Variants in USH2A observed in about 807,000 individuals in gnomAD.
The protein encoded by USH2A is Usher syndrome 2A (autosomal recessive, mild).
USH2A carries 443 observed loss-of-function variants against 538.9 expected under a neutral mutation model. The ratio of observed to expected loss-of-function variants is 0.82; its 90% CI spans 0.76 to 0.89. The LOEUF (loss-of-function observed/expected upper bound fraction) is 0.89, where lower values mean the gene tolerates loss of function less well. Among genes scored for constraint, USH2A ranks in the 40% least tolerant of loss-of-function variants. The pLI is 0.00. For synonymous variants in USH2A, 2,413 were observed against 2,273.5 expected, an observed-to-expected ratio of 1.06 and a Z score of -1.75; for missense variants, 6,633 against 6,324.8, an observed-to-expected ratio of 1.05 and a Z score of -1.65.
intron 11 of USH2A, among the ~76,000 whole-genome samples, chr1:216,268,152 G>C (rs2102576781): frequency 6.6e-6 from 1 of 152,136 alleles, no homozygotes; most frequent in African/African-American, 2.4e-5. Context: ...CTGCAGTCCT[G>C]CCTGCTTATG....
intron 35 of USH2A, among the ~76,000 whole-genome samples, chr1:215,981,976 T>A (rs549703679): frequency 2.3e-4 from 35 of 152,344 alleles, no homozygotes; most frequent in African/African-American, 7.7e-4. Context: ...TTTTGAAGTA[T>A]CAATTTTGTG....
chr1:216,423,099 G>A (rs1193281030), intron 1 of USH2A, 115 bp downstream of exon 1: 1 of 152,104 alleles, frequency 6.6e-6, no homozygotes, highest in Non-Finnish European at 1.5e-5. Flanking sequence ...TCTGTCCTAT[G>A]CTTTAATATT....
intron 38 of USH2A, among the ~76,000 whole-genome samples, chr1:215,902,959 C>G (rs543376618): frequency 5.3e-5 from 8 of 152,070 alleles, no homozygotes; most frequent in African/African-American, 1.2e-4. Context: ...GTGAAATAAA[C>G]TAGGAAGTGA....
intron 32 of USH2A, among the ~76,000 whole-genome samples, chr1:216,017,557 T>C (rs976365073): frequency 6.6e-6 from 1 of 152,198 alleles, no homozygotes; most frequent in African/African-American, 2.4e-5. Context: ...AAAATATTCA[T>C]GTGACATACA....
intron 70 of USH2A, chr1:215,630,289 G>A: frequency 2.2e-6 from 1 of 456,408 alleles, no homozygotes; most frequent in South Asian, 1.5e-5. Context: ...ATCAGTCCAT[G>A]TTTGGAACAG....
intron 56 of USH2A, among the ~76,000 whole-genome samples, chr1:215,764,073 C>A (rs1410916119): frequency 1.3e-5 from 2 of 151,936 alleles, no homozygotes; most frequent in African/African-American, 4.8e-5. Flanking sequence ...TTGAAAAACA[C>A]CTAAATATAA....
intron 13 of USH2A, among the ~76,000 whole-genome samples, chr1:216,242,075 T>G (rs2035948944): frequency 6.6e-6 from 1 of 152,036 alleles, no homozygotes; most frequent in South Asian, 2.1e-4. Context: ...TTATTCAACT[T>G]GCATAACTAC....
chr1:215,686,032 T>A (rs1658414155), intron 61 of USH2A, among the ~76,000 whole-genome samples: 1 of 152,148 alleles, frequency 6.6e-6, no homozygotes, highest in Non-Finnish European at 1.5e-5. Context: ...CTAGGCAGCA[T>A]CACCAAGTGG....
In USH2A at chr1:216,053,251, TAAAAAGAATACTGGGAA is replaced by T. The variant is rs372621433; in HGVS notation, c.6050-4621_6050-4605del. Among the ~76,000 whole-genome samples, 702 of 152,220 alleles carry T rather than the reference TAAAAAGAATACTGGGAA, an allele frequency of 4.6e-3. 4 individuals are homozygous for T. The highest frequency in any genetic ancestry group is 0.016 in the African/African-American group (664 of 41,546). On this transcript the variant is annotated intron_variant, in intron 30 of 71. Transcript: ENST00000307340. ...TTAAATATATATTTTGGTATTATATTAAAAAGAATACTGGGAAATAGAGAATTGACATATCTAAAGGA... is the reference window on the plus strand; with the variant it reads ...TTAAATATATATTTTGGTATTATATTATAGAGAATTGACATATCTAAAGGA...
intron 3 of USH2A, among the ~76,000 whole-genome samples, chr1:216,377,807 AAAAGAAAGAAAGAAAGAAAGAAAG>A (rs200931887): frequency 0.032 from 1,576 of 49,428 alleles, 26 homozygotes; most frequent in African/African-American, 0.044. Flanking sequence ...GAAAGAAATA[AAAAGAAAGAAAGAAAGAAAGAAAG>A]AAAGAAAGAA....
Position 215,811,418 on chromosome 1 carries a change from G to A in USH2A, c.9739+2318C>T, listed in dbSNP as rs1487908977. On this transcript the variant is annotated intron_variant, in intron 49 of 71. Transcript: ENST00000307340. Reference sequence around the variant, plus strand: ...TCACACTCTTTATTCTGAGGGACCAGCTATTTTTCACACTCTTTATTCTGA... The same window carrying A: ...TCACACTCTTTATTCTGAGGGACCAACTATTTTTCACACTCTTTATTCTGA... Among the ~76,000 whole-genome samples, 4 of 152,174 alleles carry A rather than the reference G, an allele frequency of 2.6e-5. No homozygotes were observed. The East Asian group carries it at 5.8e-4, about 22-fold the overall frequency.
chr1:215,933,198 A>G (rs1343659211), intron 38 of USH2A, among the ~76,000 whole-genome samples: 1 of 151,962 alleles, frequency 6.6e-6, no homozygotes, highest in Non-Finnish European at 1.5e-5. Context: ...TAATTTCTAA[A>G]TTTGAGTAAA....
intron 11 of USH2A, among the ~76,000 whole-genome samples, chr1:216,257,881 G>T (rs968117761): frequency 3.3e-5 from 5 of 151,844 alleles, no homozygotes; most frequent in Non-Finnish European, 4.4e-5. Context: ...TACAGTGTAG[G>T]TTTTTCTCTG....
At chr1:216,128,531 T>C (rs1026825635) in intron 21 of USH2A, among the ~76,000 whole-genome samples, 3 of 152,140 alleles carry the variant, frequency 2.0e-5, no homozygotes, top group African/African-American at 7.2e-5. Context: ...GGAAAATCTC[T>C]TCCTATCTAT....
At chr1:216,220,195 T>C (rs2035428840) in intron 14 of USH2A, among the ~76,000 whole-genome samples, 1 of 151,870 alleles carries the variant, frequency 6.6e-6, no homozygotes, top group African/African-American at 2.4e-5. Flanking sequence ...GATATATAGG[T>C]CAATTTATTG....
chr1:216,075,481 C>A (rs530524060), intron 27 of USH2A, among the ~76,000 whole-genome samples: 6 of 152,308 alleles, frequency 3.9e-5, no homozygotes, highest in Non-Finnish European at 7.4e-5. Flanking sequence ...TCCACACCAC[C>A]ACCCCTGGGC....
chr1:216,149,601 C>T (rs533297371), intron 21 of USH2A, among the ~76,000 whole-genome samples: 23 of 152,208 alleles, frequency 1.5e-4, no homozygotes, highest in East Asian at 5.8e-4. Context: ...TTTATATGGA[C>T]GCACTTTCTT....
chr1:216,093,254 C>T (rs866393838), intron 22 of USH2A, among the ~76,000 whole-genome samples: 5 of 152,198 alleles, frequency 3.3e-5, no homozygotes, highest in South Asian at 2.1e-4. Context: ...TGAGCCACCA[C>T]GCCCAGTGGC....
At chr1:215,857,262 T>C (rs1664194721) in intron 44 of USH2A, among the ~76,000 whole-genome samples, 2 of 152,200 alleles carry the variant, frequency 1.3e-5, no homozygotes, top group Non-Finnish European at 2.9e-5. Flanking sequence ...AGTTTCTGGG[T>C]GAATCCCATT....
Sources: gnomAD v4.1 joint callset for allele counts (sites outside exome capture counted in the v4.1 genomes callset) on GRCh38, gnomAD v4.1.1 for gene constraint, MANE v1.5 for transcripts, NCBI Gene and HGNC (gene_info 2026-07-23, HGNC 2026-07-21) for gene names.